The following EGLN1 variants were observed in gnomAD, a reference collection of about 807,000 sequenced individuals.
The protein encoded by EGLN1 is egl nine homolog 1.
EGLN1 carries 17 observed loss-of-function variants against 38.3 expected under a neutral mutation model. The observed-to-expected ratio is 0.44, with a 90% CI of 0.30 to 0.67. EGLN1 has a LOEUF of 0.67. Ranked by LOEUF, EGLN1 falls within the 30% of genes least tolerant of loss-of-function variation. The probability of loss-of-function intolerance (pLI) is 0.08; values close to 1 mark genes in which losing one functional copy is unlikely to be tolerated. For missense variants in EGLN1, 477 were observed against 603.3 expected (o/e 0.79, Z 2.19); for synonymous variants, 283 against 257.5 (o/e 1.10, Z -0.95).
intron 1 of EGLN1, among the ~76,000 whole-genome samples, chr1:231,391,439 G>A (rs1558387443): frequency 6.9e-6 from 1 of 145,690 alleles, no homozygotes; most frequent in Non-Finnish European, 1.5e-5. Context: ...AGGACAAAAA[G>A]GGGTCTCCTG....
intron 3 of EGLN1, among the ~76,000 whole-genome samples, chr1:231,368,028 GA>G (rs947863510): frequency 1.8e-4 from 27 of 148,992 alleles, no homozygotes; most frequent in Admixed American, 1.5e-3. Flanking sequence ...CTAAAAAAAA[GA>G]AAAAAAAAAT....
chr1:231,384,175 TA>T (rs1026867464), intron 1 of EGLN1, among the ~76,000 whole-genome samples: 1 of 151,824 alleles, frequency 6.6e-6, no homozygotes, highest in African/African-American at 2.4e-5. Flanking sequence ...AGAACTCATT[TA>T]AAAAAAATTA....
chr1:231,408,805 G>C (rs1688856868), intron 1 of EGLN1, among the ~76,000 whole-genome samples: 1 of 152,046 alleles, frequency 6.6e-6, no homozygotes, highest in South Asian at 2.1e-4. Flanking sequence ...TTGTAGCTCT[G>C]CTTAGAGAAA....
intron 1 of EGLN1, among the ~76,000 whole-genome samples, chr1:231,402,292 G>A (rs1017028022): frequency 2.0e-5 from 3 of 150,712 alleles, no homozygotes; most frequent in East Asian, 2.0e-4. Flanking sequence ...TAAGCAAAAC[G>A]TTTTAATGTT....
intron 1 of EGLN1, among the ~76,000 whole-genome samples, chr1:231,417,938 G>C (rs1227904559): frequency 6.6e-6 from 1 of 152,142 alleles, no homozygotes; most frequent in Non-Finnish European, 1.5e-5. Flanking sequence ...CTGAATTTAA[G>C]TCCTAATATG....
chr1:231,410,813 T>G (rs545203362), intron 1 of EGLN1, among the ~76,000 whole-genome samples: 38 of 132,376 alleles, frequency 2.9e-4, no homozygotes, highest in African/African-American at 9.4e-4. Context: ...GGTGGGGTGG[T>G]TAATAGAGCT....
intron 1 of EGLN1, among the ~76,000 whole-genome samples, chr1:231,404,629 T>C (rs1006039858): frequency 3.9e-5 from 6 of 152,094 alleles, no homozygotes; most frequent in Admixed American, 1.3e-4. Flanking sequence ...AAAATTTTTT[T>C]TTAAAGAATA....
At chr1:231,386,978 A>G (rs937726412) in intron 1 of EGLN1, among the ~76,000 whole-genome samples, 17 of 152,198 alleles carry the variant, frequency 1.1e-4, no homozygotes, top group African/African-American at 3.6e-4. Flanking sequence ...CTCCTGCCTC[A>G]GCCTCCTGAA....
chr1:231,411,212 A>G (rs1572049339), intron 1 of EGLN1, among the ~76,000 whole-genome samples: 4 of 152,230 alleles, frequency 2.6e-5, no homozygotes, highest in East Asian at 3.9e-4. Flanking sequence ...TGTTCTCATG[A>G]TAGTGAGTTC....
chr1:231,395,069 G>A (rs143650574), intron 1 of EGLN1, among the ~76,000 whole-genome samples: 1 of 152,232 alleles, frequency 6.6e-6, no homozygotes, highest in East Asian at 1.9e-4. Context: ...GTTGGTTTGG[G>A]AGCAATATTT....
chr1:231,384,401 C>A (rs1339529728), intron 1 of EGLN1, among the ~76,000 whole-genome samples: 2 of 101,088 alleles, frequency 2.0e-5, no homozygotes, highest in African/African-American at 2.7e-5. Context: ...ACAAGCATTA[C>A]GAAGAAAAAA....
At chr1:231,408,134 A>G (rs2102933440) in intron 1 of EGLN1, among the ~76,000 whole-genome samples, 1 of 152,322 alleles carries the variant, frequency 6.6e-6, no homozygotes, top group Non-Finnish European at 1.5e-5. Flanking sequence ...TTTGGGAATA[A>G]AAGGTATAAA....
intron 1 of EGLN1, among the ~76,000 whole-genome samples, chr1:231,406,735 G>A (rs1244245941): frequency 6.6e-6 from 1 of 152,026 alleles, no homozygotes; most frequent in Non-Finnish European, 1.5e-5. Context: ...TTTATTACAA[G>A]CAGAACATTG....
At chr1:231,391,927 G>A (rs556626573) in intron 1 of EGLN1, among the ~76,000 whole-genome samples, 33 of 152,222 alleles carry the variant, frequency 2.2e-4, no homozygotes, top group African/African-American at 7.0e-4. Flanking sequence ...GGTATAAGAA[G>A]TTTAAAAAAA....
intron 1 of EGLN1, among the ~76,000 whole-genome samples, chr1:231,384,566 C>T (rs917416817): frequency 1.3e-5 from 2 of 152,076 alleles, no homozygotes; most frequent in Non-Finnish European, 1.5e-5. Context: ...ATGGGCCTGG[C>T]ATATCTGAGG....
intron 4 of EGLN1, 54 bp downstream of exon 4, chr1:231,367,515 C>T: frequency 6.4e-7 from 1 of 1,551,334 alleles, no homozygotes; most frequent in Admixed American, 1.7e-5. Context: ...GAAAGCATCA[C>T]CTGATTGCAG....
intron 1 of EGLN1, among the ~76,000 whole-genome samples, chr1:231,401,465 C>T (rs1688661559): frequency 1.3e-5 from 2 of 152,118 alleles, no homozygotes; most frequent in Admixed American, 1.3e-4. Context: ...ATTTTTCTTA[C>T]AAAAACCTTG....
chr1:231,411,784 G>A (rs949810940), intron 1 of EGLN1, among the ~76,000 whole-genome samples: 5 of 151,840 alleles, frequency 3.3e-5, no homozygotes, highest in Admixed American at 6.6e-5. Context: ...GGATCACGAG[G>A]TCAGGAGTTC....
At chr1:231,420,885 G>A in intron 1 of EGLN1, 113 bp downstream of exon 1, 4 of 1,598,526 alleles carry the variant, frequency 2.5e-6, no homozygotes, top group South Asian at 1.1e-5. Flanking sequence ...AAGAAAGAGC[G>A]AGTCCCTTCT....
Sources: allele counts gnomAD v4.1 joint callset (sites outside exome capture counted in the v4.1 genomes callset), GRCh38; gene constraint gnomAD v4.1.1; transcripts MANE v1.5; gene names NCBI Gene and HGNC (gene_info 2026-07-23, HGNC 2026-07-21).